Variants in ASAP1 observed in about 807,000 individuals in gnomAD.
ASAP1 encodes the protein ArfGAP with SH3 domain, ankyrin repeat and PH domain 1, also known as arf-GAP with SH3 domain, ANK repeat and PH domain-containing protein 1.
In ASAP1, 43 loss-of-function variants were observed where a neutral mutation model predicts 145.2. The observed-to-expected ratio is 0.30, with a 90% CI of 0.23 to 0.38. The LOEUF is 0.38. Ranked by LOEUF, ASAP1 falls within the 10% of genes least tolerant of loss-of-function variation. The pLI is 1.00. For missense variants in ASAP1, 1,018 were observed against 1,355.3 expected (o/e 0.75, Z 3.91); for synonymous variants, 546 against 515.5 (o/e 1.06, Z -0.80).
chr8:130,085,533 G>C (rs766238698), intron 25 of ASAP1, among the ~76,000 whole-genome samples: 4 of 151,996 alleles, frequency 2.6e-5, no homozygotes, highest in Admixed American at 1.3e-4. Flanking sequence ...CCAGGAGTTC[G>C]AGACCAGCCT....
chr8:130,071,638 G>T (rs1188662345), intron 27 of ASAP1, among the ~76,000 whole-genome samples: 1 of 152,146 alleles, frequency 6.6e-6, no homozygotes, highest in African/African-American at 2.4e-5. Context: ...CAACTCAAAA[G>T]AGTCTCAGGG....
chr8:130,262,987 C>A (rs937754992), intron 3 of ASAP1, among the ~76,000 whole-genome samples: 1 of 152,276 alleles, frequency 6.6e-6, no homozygotes, highest in Non-Finnish European at 1.5e-5. Context: ...TAACCCCTTA[C>A]GTTGAGAATA....
chr8:130,315,560 G>A (rs1823616104), intron 3 of ASAP1, among the ~76,000 whole-genome samples: 1 of 152,138 alleles, frequency 6.6e-6, no homozygotes, highest in Non-Finnish European at 1.5e-5. Context: ...GAGAAGAGGC[G>A]AGTCTGAATT....
intron 3 of ASAP1, among the ~76,000 whole-genome samples, chr8:130,354,053 A>G (rs907037111): frequency 6.6e-6 from 1 of 151,702 alleles, no homozygotes; most frequent in Admixed American, 6.6e-5. Flanking sequence ...ACGCCCAGCT[A>G]ATTTTTTTTT....
chr8:130,162,321 T>G (rs941646426), intron 11 of ASAP1, among the ~76,000 whole-genome samples: 9 of 152,142 alleles, frequency 5.9e-5, no homozygotes, highest in African/African-American at 1.9e-4. Flanking sequence ...GTTGTTGTTT[T>G]TTTAAGAGAG....
intron 3 of ASAP1, among the ~76,000 whole-genome samples, chr8:130,281,902 TAA>T (rs1366891932): frequency 6.6e-6 from 1 of 151,970 alleles, no homozygotes; most frequent in African/African-American, 2.4e-5. Context: ...CCATCTCTAC[TAA>T]AAATACAAAA....
chr8:130,130,378 C>G (rs2135758185), intron 15 of ASAP1, among the ~76,000 whole-genome samples: 1 of 152,182 alleles, frequency 6.6e-6, no homozygotes, highest in East Asian at 1.9e-4. Context: ...CCTCTTTACT[C>G]AGGAGCTCAT....
At chr8:130,060,346 G>T (rs1247564978) in intron 28 of ASAP1, among the ~76,000 whole-genome samples, 1 of 152,166 alleles carries the variant, frequency 6.6e-6, no homozygotes, top group African/African-American at 2.4e-5. Flanking sequence ...ACTTGCCAAG[G>T]TTGTGCAGTT....
At chr8:130,256,038 G>C (rs113571605) in intron 3 of ASAP1, among the ~76,000 whole-genome samples, 1 of 152,098 alleles carries the variant, frequency 6.6e-6, no homozygotes, top group African/African-American at 2.4e-5. Context: ...TATCTTATTA[G>C]GAAGAGAGTG....
intron 1 of ASAP1, among the ~76,000 whole-genome samples, chr8:130,410,883 C>A (rs1222176311): frequency 1.3e-5 from 2 of 152,166 alleles, no homozygotes; most frequent in East Asian, 3.8e-4. Flanking sequence ...TTTTTTGAGA[C>A]AGAGTCTTGC....
intron 13 of ASAP1, among the ~76,000 whole-genome samples, chr8:130,145,436 G>C (rs1039101678): frequency 8.5e-5 from 13 of 152,068 alleles, no homozygotes; most frequent in African/African-American, 2.9e-4. Context: ...TCCTGCCTCA[G>C]CCTCCCGAGT....
intron 27 of ASAP1, among the ~76,000 whole-genome samples, chr8:130,071,011 G>GAGAGAGAGAGAGAGAGAGA (rs1415476694): frequency 8.7e-5 from 1 of 11,438 alleles, no homozygotes; most frequent in African/African-American, 4.5e-4. Flanking sequence ...GGGGAGGGGG[G>GAGAGAGAGAGAGAGAGAGA]GAGAGAGAGA....
At chr8:130,181,554 C>A (rs1814358435) in intron 7 of ASAP1, among the ~76,000 whole-genome samples, 1 of 152,182 alleles carries the variant, frequency 6.6e-6, no homozygotes, top group Non-Finnish European at 1.5e-5. Flanking sequence ...TAAACTTGAG[C>A]TATTTCCACA....
intron 12 of ASAP1, among the ~76,000 whole-genome samples, chr8:130,155,653 T>A (rs1407898402): frequency 6.6e-6 from 1 of 152,240 alleles, no homozygotes; most frequent in Non-Finnish European, 1.5e-5. Flanking sequence ...AGCCAGCACC[T>A]GATCTTTGTG....
rs1033768983 is a variant in ASAP1 at position 130,286,042 on chromosome 8, G to A, written c.187-49048C>T. On this transcript the variant is annotated intron_variant, in intron 3 of 29. Transcript: ENST00000518721. Reference sequence around the variant, plus strand: ...GAAAACCTACTATGTGCCAGGTATGGTACTAGAAAATAACAGGTGTTATCT... The same window carrying A: ...GAAAACCTACTATGTGCCAGGTATGATACTAGAAAATAACAGGTGTTATCT... Among the ~76,000 whole-genome samples the A allele has an allele frequency of 4.6e-5, 7 of 152,140 alleles. No individual in the cohort carries two copies. In the South Asian group the frequency reaches 1.4e-3, roughly 31 times the overall value.
intron 9 of ASAP1, among the ~76,000 whole-genome samples, chr8:130,170,748 T>G (rs1799056197): frequency 6.6e-6 from 1 of 152,084 alleles, no homozygotes; most frequent in African/African-American, 2.4e-5. Context: ...TCTCTCTCTC[T>G]CGGCAGGGTC....
At chr8:130,056,252 G>A (rs1208718075) in intron 29 of ASAP1, among the ~76,000 whole-genome samples, 3 of 152,220 alleles carry the variant, frequency 2.0e-5, no homozygotes, top group Admixed American at 1.3e-4. Context: ...CACGTGGGGG[G>A]GCTTCAGAGC....
intron 3 of ASAP1, among the ~76,000 whole-genome samples, chr8:130,262,412 AAAAAAGAGAGAGAGAGAGAGAG>A (rs1819968302): frequency 4.1e-5 from 4 of 98,508 alleles, no homozygotes; most frequent in Admixed American, 1.2e-4. Context: ...AAAAAAAAAA[AAAAAAGAGAGAGAGAGAGAGAG>A]AGAGAGAGAG....
At chr8:130,347,871 T>G (rs1223797930) in intron 3 of ASAP1, among the ~76,000 whole-genome samples, 1 of 152,132 alleles carries the variant, frequency 6.6e-6, no homozygotes, top group Non-Finnish European at 1.5e-5. Flanking sequence ...CCATAAAATA[T>G]CTCCCATGAA....
Sources: gnomAD v4.1 joint callset for allele counts (sites outside exome capture counted in the v4.1 genomes callset) on GRCh38, gnomAD v4.1.1 for gene constraint, MANE v1.5 for transcripts, NCBI Gene and HGNC (gene_info 2026-07-23, HGNC 2026-07-21) for gene names.